Variants in GALNT16 observed in about 807,000 individuals in gnomAD.
GALNT16 encodes the protein polypeptide N-acetylgalactosaminyltransferase 16.
In GALNT16, 40 loss-of-function variants were observed where a neutral mutation model predicts 76.1. The ratio of observed to expected loss-of-function variants is 0.53; its 90% CI spans 0.41 to 0.68. The LOEUF is 0.68. Ranked by LOEUF, GALNT16 falls within the 30% of genes least tolerant of loss-of-function variation. The pLI is 0.00. For synonymous variants in GALNT16, 276 were observed against 285.2 expected, an observed-to-expected ratio of 0.97 and a Z score of 0.32; for missense variants, 621 against 731.9, an observed-to-expected ratio of 0.85 and a Z score of 1.75.
intron 11 of GALNT16, among the ~76,000 whole-genome samples, chr14:69,341,150 TAGAGGAAACTGAGGCTC>T (rs2045480658): frequency 2.0e-5 from 3 of 152,152 alleles, no homozygotes; most frequent in Admixed American, 6.5e-5. Context: ...CAGTTGAATG[TAGAGGAAACTGAGGCTC>T]AGATAGCTGG....
chr14:69,382,557 G>A, the GALNT16 span, among the ~76,000 whole-genome samples: 1 of 151,998 alleles, frequency 6.6e-6, no homozygotes, highest in African/African-American at 2.4e-5. Flanking sequence ...AGTAGGCCAG[G>A]TGCCAGTGGC....
At chr14:69,348,161 A>G (rs187944165) in intron 14 of GALNT16, 159 bp downstream of exon 14, 7 of 662,870 alleles carry the variant, frequency 1.1e-5, no homozygotes, top group Admixed American at 7.9e-5. Flanking sequence ...GGTCAAGCCA[A>G]TTATTCTGCC....
At chr14:69,328,123 C>G (rs1031904265) in intron 5 of GALNT16, among the ~76,000 whole-genome samples, 1 of 152,112 alleles carries the variant, frequency 6.6e-6, no homozygotes, top group Non-Finnish European at 1.5e-5. Flanking sequence ...GTTTTGTTTT[C>G]TGGTTCTCCT....
At chr14:69,262,630 G>A (rs988505766) in intron 1 of GALNT16, among the ~76,000 whole-genome samples, 7 of 152,150 alleles carry the variant, frequency 4.6e-5, no homozygotes, top group Admixed American at 4.6e-4. Context: ...GGGAGTGGCA[G>A]AGCCTTCTGT....
In GALNT16 at chr14:69,353,103, C is replaced by G. The variant is rs546434955; in HGVS notation, c.*935C>G. Among the ~76,000 whole-genome samples the G allele has an allele frequency of 8.5e-5, 13 of 152,342 alleles. No homozygotes were observed. Among genetic ancestry groups the G allele is most frequent in the Middle Eastern group, 6.8e-3 (2 of 294 alleles). On this transcript the variant is annotated 3_prime_UTR_variant, in exon 15 of 15. Coordinates refer to ENST00000448469, the MANE Select transcript of GALNT16 (RefSeq NM_001168368.2). ...TGAAAGGACGGGTAGCCACACACAT[C>G]CCTGAGTAGTCCCAGCCTCATTTGT... is the stretch of plus-strand genomic sequence containing the variant.
intron 1 of GALNT16, among the ~76,000 whole-genome samples, chr14:69,295,021 C>G (rs1276004436): frequency 6.6e-6 from 1 of 152,072 alleles, no homozygotes; most frequent in African/African-American, 2.4e-5. Flanking sequence ...GGATTGTTTC[C>G]ACCTTTTGAT....
At chr14:69,364,861 A>G in the GALNT16 span, among the ~76,000 whole-genome samples, 19,236 of 152,128 alleles carry the variant, frequency 0.13, 1,344 homozygotes, top group East Asian at 0.18. This position sits in a 1 kb window ranked among gnomAD's most constrained non-coding sequence, Gnocchi z 4.2. Context: ...GCTTTTCAGG[A>G]TGCCCAGAAC....
chr14:69,347,066 G>A lies in GALNT16; in HGVS notation c.1298G>A (p.Gly433Asp). 3.1e-6 allele frequency: 5 copies of A among 1,614,072 alleles called. No homozygotes were observed. The highest frequency in any genetic ancestry group is 4.2e-6 in the Non-Finnish European group (5 of 1,179,982). ...GTCCCCGTGAAGGAAGCACTCCCCGGCATCATTAAGCAGGGGGTGAACTGC... is the reference window on the plus strand; with the variant it reads ...GTCCCCGTGAAGGAAGCACTCCCCGACATCATTAAGCAGGGGGTGAACTGC... Reference protein sequence around the residue: ...LTVPVKEALPGIIKQGVNCLE... With the variant: ...LTVPVKEALPDIIKQGVNCLE... The change falls in exon 13 of 15, where the codon GGC becomes GAC. Residue 433 changes from glycine (G) to aspartate (D), a missense_variant. Physicochemically the swap from Gly to Asp is moderately conservative, Grantham distance 94 (BLOSUM62 -1). Coordinates refer to ENST00000448469, the MANE Select transcript of GALNT16 (RefSeq NM_001168368.2).
chr14:69,328,620 T>C (rs756314914), intron 6 of GALNT16, 49 bp downstream of exon 6: 2 of 1,584,502 alleles, frequency 1.3e-6, no homozygotes, highest in African/African-American at 1.3e-5. Flanking sequence ...ACTCAGCCAC[T>C]ACGTTCCTGG....
intron 10 of GALNT16, 78 bp from the exon 11 acceptor site, chr14:69,339,449 G>T: frequency 1.2e-6 from 1 of 862,948 alleles, no homozygotes; most frequent in Non-Finnish European, 2.0e-6. Flanking sequence ...TGTATTCATG[G>T]ATCGATTAAT....
intron 1 of GALNT16, among the ~76,000 whole-genome samples, chr14:69,269,540 T>C (rs2044380100): frequency 6.7e-6 from 1 of 148,936 alleles, no homozygotes; most frequent in South Asian, 2.1e-4. Context: ...GTGTGTGTGA[T>C]GTGTGTGATG....
chr14:69,341,852 T>C (rs1293547780), intron 12 of GALNT16, 88 bp downstream of exon 12: 1 of 780,778 alleles, frequency 1.3e-6, no homozygotes, highest in Non-Finnish European at 2.2e-6. Context: ...CCCTTAGATC[T>C]CCTCAACACT....
At chr14:69,287,568 C>T (rs2044630117) in intron 1 of GALNT16, among the ~76,000 whole-genome samples, 1 of 152,140 alleles carries the variant, frequency 6.6e-6, no homozygotes, top group Admixed American at 6.5e-5. Context: ...CTGCTCCCTC[C>T]CTTACACGTC....
chr14:69,347,227 T>C, intron 13 of GALNT16, 46 bp downstream of exon 13: 1 of 1,539,454 alleles, frequency 6.5e-7, no homozygotes, highest in Non-Finnish European at 8.8e-7. Flanking sequence ...GCTGGAGGCA[T>C]TGTCCAGGAG....
intron 1 of GALNT16, among the ~76,000 whole-genome samples, chr14:69,260,912 G>A (rs1485498553): frequency 6.6e-6 from 1 of 152,102 alleles, no homozygotes; most frequent in African/African-American, 2.4e-5. Flanking sequence ...CCTTCTGGGG[G>A]CAGAGGACAT....
At chr14:69,321,127 C>T (rs540799779) in intron 2 of GALNT16, among the ~76,000 whole-genome samples, 33 of 152,318 alleles carry the variant, frequency 2.2e-4, no homozygotes, top group African/African-American at 7.9e-4. Context: ...CAAAAGTGAC[C>T]TGGGAGGGGA....
At position 69,352,302 on chromosome 14, in the gene GALNT16, G is replaced by A; in HGVS notation, c.*134G>A. On this transcript the variant is annotated 3_prime_UTR_variant, in exon 15 of 15. Transcript: ENST00000448469. ...AGGACCATCAGCAAATACCCACCAT[G>A]ACACACGTTCTCCAAAGCTTGTTCT... 1 of 814,132 alleles carries A rather than the reference G, an allele frequency of 1.2e-6. No homozygotes were observed. The highest frequency in any genetic ancestry group is 1.9e-6 in the Non-Finnish European group (1 of 530,790). The allele number at this position is 814,132 out of a possible 1,614,324, so 50.4% of individuals were successfully genotyped here.
At chr14:69,362,713 A>G in the GALNT16 span, among the ~76,000 whole-genome samples, 2 of 152,260 alleles carry the variant, frequency 1.3e-5, no homozygotes, top group Admixed American at 1.3e-4. Context: ...AAGTGGAAAC[A>G]GCAGTCTGGG....
chr14:69,293,728 G>T (rs1011718397), intron 1 of GALNT16, among the ~76,000 whole-genome samples: 1 of 152,126 alleles, frequency 6.6e-6, no homozygotes, highest in Non-Finnish European at 1.5e-5. Context: ...GAGTTGTGAG[G>T]CTTAAGCGCA....
Sources: allele counts gnomAD v4.1 joint callset (sites outside exome capture counted in the v4.1 genomes callset), GRCh38; gene constraint gnomAD v4.1.1; non-coding constraint Gnocchi (gnomAD v3.1); transcripts MANE v1.5; gene names NCBI Gene and HGNC (gene_info 2026-07-23, HGNC 2026-07-21).